Variants in PDK1 observed in about 807,000 individuals in gnomAD.
The protein encoded by PDK1 is [Pyruvate dehydrogenase (acetyl-transferring)] kinase isozyme 1, mitochondrial.
In PDK1, 39 loss-of-function variants were observed where a neutral mutation model predicts 54.2. The observed-to-expected ratio is 0.72, with a 90% CI of 0.56 to 0.94. PDK1 has a LOEUF of 0.94. PDK1 is among the 40% of genes least tolerant of loss of function. The probability of loss-of-function intolerance (pLI) is 0.00; values close to 1 mark genes in which losing one functional copy is unlikely to be tolerated. For missense variants in PDK1, 552 were observed against 566.0 expected (o/e 0.98, Z 0.25); for synonymous variants, 221 against 207.1 (o/e 1.07, Z -0.58).
chr2:172,590,481 C>T (rs970477193), intron 9 of PDK1, among the ~76,000 whole-genome samples: 1 of 152,020 alleles, frequency 6.6e-6, no homozygotes, highest in Non-Finnish European at 1.5e-5. Flanking sequence ...AGCCACAGAC[C>T]TTCGCAGTGA....
chr2:172,648,776 G>C, the PDK1 span, among the ~76,000 whole-genome samples: 1 of 152,236 alleles, frequency 6.6e-6, no homozygotes, highest in Admixed American at 6.5e-5. Context: ...GCCACAGCGA[G>C]GCTGGGGGAG....
At chr2:172,557,949 T>G (rs182139739) in intron 1 of PDK1, among the ~76,000 whole-genome samples, 5 of 152,164 alleles carry the variant, frequency 3.3e-5, no homozygotes, top group Non-Finnish European at 7.4e-5. Flanking sequence ...AATTTCAGCC[T>G]GAGCCTCCCA....
intron 7 of PDK1, among the ~76,000 whole-genome samples, chr2:172,570,379 AT>A (rs1294437363): frequency 1.3e-5 from 2 of 152,264 alleles, no homozygotes; most frequent in Non-Finnish European, 2.9e-5. Context: ...AGTTCTAAAA[AT>A]ATAGCTGAAA....
In PDK1 at chr2:172,608,351, C is replaced by T. The variant is rs1691361513; in HGVS notation, c.*12382C>T. ...CTTCCGATTCTAGGTGATTATATAGCTAGTTTACTCTTCCACCCCCAAGAT... is the reference window on the plus strand; with the variant it reads ...CTTCCGATTCTAGGTGATTATATAGTTAGTTTACTCTTCCACCCCCAAGAT... On this transcript the variant is annotated 3_prime_UTR_variant, in exon 11 of 11. Coordinates refer to ENST00000282077, the MANE Select transcript of PDK1 (RefSeq NM_002610.5). 6.6e-6 allele frequency: 1 copy of T among 152,110 alleles called. No individual in the cohort carries two copies. The highest frequency in any genetic ancestry group is 1.5e-5 in the Non-Finnish European group (1 of 68,014). The allele number at this position is 152,110 out of a possible 1,614,324, so 9.4% of individuals were successfully genotyped here. A position where few individuals can be genotyped will look rare whatever the true frequency, so the allele number is the denominator to read the frequency against.
downstream of PDK1, among the ~76,000 whole-genome samples, chr2:172,611,200 A>G (rs1345445380): frequency 1.3e-5 from 2 of 152,186 alleles, no homozygotes; most frequent in Non-Finnish European, 2.9e-5. Context: ...AGTATAAAAT[A>G]CTTTGCATTC....
intron 5 of PDK1, 135 bp downstream of exon 5, chr2:172,565,208 T>C: frequency 1.6e-6 from 1 of 620,724 alleles, no homozygotes; most frequent in South Asian, 2.0e-5. Flanking sequence ...AATAACCTTA[T>C]AGTATTATTT....
In PDK1 at chr2:172,586,391, A is replaced by G; in HGVS notation, c.1056+3A>G. On this transcript the variant is annotated splice_donor_region_variant and intron_variant, in intron 9 of 10. Coordinates refer to ENST00000282077, the MANE Select transcript of PDK1 (RefSeq NM_002610.5). ...AGACCTCCCGCGCAGTGCCTCTGGTATGTTATCAAGAAATAATGAAGTGTG... is the reference window on the plus strand; with the variant it reads ...AGACCTCCCGCGCAGTGCCTCTGGTGTGTTATCAAGAAATAATGAAGTGTG... 6.5e-7 allele frequency: 1 copy of G among 1,541,604 alleles called. No individual in the cohort carries two copies. Among genetic ancestry groups the G allele is most frequent in the Non-Finnish European group, 9.0e-7 (1 of 1,114,398 alleles).
At chr2:172,593,579 A>G (rs1295292186) in intron 10 of PDK1, among the ~76,000 whole-genome samples, 1 of 152,078 alleles carries the variant, frequency 6.6e-6, no homozygotes, top group Non-Finnish European at 1.5e-5. Context: ...GAGTCTTTCC[A>G]AAACATTCAT....
chr2:172,696,584 T>A, the PDK1 span, among the ~76,000 whole-genome samples: 4 of 152,200 alleles, frequency 2.6e-5, no homozygotes, highest in Admixed American at 2.6e-4. Context: ...ATAATATGCG[T>A]TAGTATGATG....
At chr2:172,587,512 G>A (rs904337007) in intron 9 of PDK1, among the ~76,000 whole-genome samples, 2 of 151,706 alleles carry the variant, frequency 1.3e-5, no homozygotes, top group African/African-American at 2.4e-5. Flanking sequence ...GTGGCTTCAG[G>A]AGTGAAGCTG....
chr2:172,618,203 AC>A, the PDK1 span, among the ~76,000 whole-genome samples: 1 of 152,236 alleles, frequency 6.6e-6, no homozygotes, highest in East Asian at 1.9e-4. Context: ...GACTTATTAT[AC>A]AAAGGAGGCT....
intron 3 of PDK1, chr2:172,564,256 C>T (rs138562473): frequency 4.1e-4 from 217 of 532,664 alleles, no homozygotes; most frequent in African/African-American, 3.1e-3. Flanking sequence ...TTTGTGGCAG[C>T]CTTACTCTTA....
At chr2:172,694,467 C>G in the PDK1 span, among the ~76,000 whole-genome samples, 3 of 152,180 alleles carry the variant, frequency 2.0e-5, no homozygotes, top group African/African-American at 7.2e-5. Context: ...CCTGCCAGAA[C>G]CACTGTCTGT....
chr2:172,613,517 C>T (rs1691526565), downstream of PDK1, among the ~76,000 whole-genome samples: 1 of 151,866 alleles, frequency 6.6e-6, no homozygotes, highest in South Asian at 2.1e-4. Context: ...TGCAGTGGCA[C>T]AGTGATGGCT....
chr2:172,688,156 A>T, the PDK1 span, among the ~76,000 whole-genome samples: 1 of 152,236 alleles, frequency 6.6e-6, no homozygotes, highest in East Asian at 1.9e-4. Context: ...CATGTAGGAC[A>T]GGATAGCACC....
At chr2:172,721,275 T>C in the PDK1 span, among the ~76,000 whole-genome samples, 1 of 152,222 alleles carries the variant, frequency 6.6e-6, no homozygotes, top group Non-Finnish European at 1.5e-5. Context: ...TTTTCTTATT[T>C]CTAGGGTGGA....
chr2:172,720,915 C>G, the PDK1 span, among the ~76,000 whole-genome samples: 1 of 152,244 alleles, frequency 6.6e-6, no homozygotes, highest in South Asian at 2.1e-4. Context: ...AAGGAAGACT[C>G]CCTCTGGTCC....
chr2:172,642,939 G>A, the PDK1 span, among the ~76,000 whole-genome samples: 2 of 151,616 alleles, frequency 1.3e-5, no homozygotes, highest in South Asian at 4.2e-4. Context: ...CTTCTTCTCT[G>A]GTGAGAGTTA....
At chr2:172,642,811 T>TCCTCCTC in the PDK1 span, among the ~76,000 whole-genome samples, 22 of 66,596 alleles carry the variant, frequency 3.3e-4, no homozygotes, top group Middle Eastern at 8.6e-3. Flanking sequence ...TCCTCCTCCT[T>TCCTCCTC]CTTCTTCTCT....
Sources: gnomAD v4.1 joint callset for allele counts (sites outside exome capture counted in the v4.1 genomes callset) on GRCh38, gnomAD v4.1.1 for gene constraint, MANE v1.5 for transcripts, NCBI Gene and HGNC (gene_info 2026-07-23, HGNC 2026-07-21) for gene names.